Variants in ADGRL2 observed in about 807,000 individuals in gnomAD.
ADGRL2 encodes calcium-independent alpha-latrotoxin receptor 2.
In ADGRL2, 44 loss-of-function variants were observed where a neutral mutation model predicts 157.4. That is an observed-to-expected ratio of 0.28 (90% CI 0.22 to 0.36). The LOEUF (loss-of-function observed/expected upper bound fraction) is 0.36. ADGRL2 is among the 10% of genes least tolerant of loss of function. The pLI is 1.00. For missense variants in ADGRL2, 1,510 were observed against 1,768.9 expected (o/e 0.85, Z 2.63); for synonymous variants, 585 against 624.7 (o/e 0.94, Z 0.95).
chr1:81,914,567 C>A (rs865834790), intron 3 of ADGRL2, among the ~76,000 whole-genome samples: 1 of 152,138 alleles, frequency 6.6e-6, no homozygotes. Context: ...GTGCTTTTAT[C>A]TACTTGACAT....
intron 1 of ADGRL2, among the ~76,000 whole-genome samples, chr1:81,709,800 C>G (rs1041118801): frequency 7.2e-5 from 11 of 152,004 alleles, no homozygotes; most frequent in African/African-American, 2.7e-4. Flanking sequence ...AATGGTCAAC[C>G]AAGCTTTAAA....
Position 81,891,959 on chromosome 1 carries a change from A to AGTGTGTGTGT in ADGRL2, c.74-15043_74-15034dup, listed in dbSNP as rs3221626. ...CAGAACATAATAAGTGTGGCTAATA[A>AGTGTGTGTGT]GTGTGTGTGTGTGTGTGTGTGTGTA... On this transcript the variant is annotated intron_variant, in intron 2 of 23. Transcript: ENST00000686636. 9.4e-5 allele frequency among the ~76,000 whole-genome samples: 14 copies of AGTGTGTGTGT among 149,476 alleles called. No homozygotes were observed. In the South Asian group the frequency reaches 2.6e-3, roughly 27 times the overall value.
intron 1 of ADGRL2, among the ~76,000 whole-genome samples, chr1:81,361,570 A>G (rs1447899853): frequency 6.6e-6 from 1 of 151,910 alleles, no homozygotes. Context: ...CACTCAACAA[A>G]TATTTGTTGA....
At chr1:81,391,950 T>C (rs2076567415) in intron 1 of ADGRL2, among the ~76,000 whole-genome samples, 1 of 152,194 alleles carries the variant, frequency 6.6e-6, no homozygotes, top group Non-Finnish European at 1.5e-5. Context: ...ATGTGTATCA[T>C]CATATTTAAT....
intron 1 of ADGRL2, among the ~76,000 whole-genome samples, chr1:81,715,295 C>CT (rs1032821395): frequency 6.6e-6 from 1 of 151,092 alleles, no homozygotes; most frequent in Non-Finnish European, 1.5e-5. Flanking sequence ...TTCTTTTTTC[C>CT]TTTTTTTAAT....
chr1:81,502,692 T>C (rs2078880189), intron 2 of ADGRL2: 1 of 1,613,304 alleles, frequency 6.2e-7, no homozygotes, highest in Non-Finnish European at 8.5e-7. Context: ...TGTATGCCTA[T>C]GAGTGTGAGA....
intron 1 of ADGRL2, among the ~76,000 whole-genome samples, chr1:81,747,100 T>G (rs1476542057): frequency 6.8e-6 from 1 of 146,974 alleles, no homozygotes; most frequent in East Asian, 2.0e-4. Flanking sequence ...ACGTAATATA[T>G]ACATATATGT....
At chr1:81,599,514 T>A (rs1194704432) in intron 3 of ADGRL2, among the ~76,000 whole-genome samples, 1 of 151,676 alleles carries the variant, frequency 6.6e-6, no homozygotes, top group Non-Finnish European at 1.5e-5. Flanking sequence ...GTAGATGTTG[T>A]CTGAGAAAGA....
At chr1:81,846,221 A>G (rs965387566) in intron 2 of ADGRL2, among the ~76,000 whole-genome samples, 2 of 151,814 alleles carry the variant, frequency 1.3e-5, no homozygotes, top group South Asian at 4.1e-4. Flanking sequence ...GAAAAAGAAT[A>G]GAAGTAAACA....
At chr1:81,841,659 G>T (rs975753481) in intron 2 of ADGRL2, among the ~76,000 whole-genome samples, 2 of 151,872 alleles carry the variant, frequency 1.3e-5, no homozygotes, top group African/African-American at 2.4e-5. Context: ...ACACATATTT[G>T]TGTATATATG....
At chr1:81,555,406 T>C (rs2148411818) in intron 2 of ADGRL2, among the ~76,000 whole-genome samples, 1 of 151,866 alleles carries the variant, frequency 6.6e-6, no homozygotes, top group South Asian at 2.1e-4. Flanking sequence ...GTAGCTGGGA[T>C]TACAGGCACC....
chr1:81,454,747 C>A (rs1401714805), intron 2 of ADGRL2, among the ~76,000 whole-genome samples: 1 of 152,146 alleles, frequency 6.6e-6, no homozygotes, highest in African/African-American at 2.4e-5. Flanking sequence ...TTTCATCATC[C>A]GGGCCTCCAT....
intron 2 of ADGRL2, among the ~76,000 whole-genome samples, chr1:81,458,244 C>T (rs1451364980): frequency 6.6e-6 from 1 of 152,110 alleles, no homozygotes; most frequent in African/African-American, 2.4e-5. Context: ...AGAATACTTA[C>T]CATGAGATCT....
chr1:81,351,393 C>G (rs546394807), intron 1 of ADGRL2, among the ~76,000 whole-genome samples: 47 of 152,190 alleles, frequency 3.1e-4, no homozygotes, highest in Middle Eastern at 3.4e-3. Flanking sequence ...GAGAATTACA[C>G]TTACTTCCCA....
intron 2 of ADGRL2, among the ~76,000 whole-genome samples, chr1:81,898,374 G>T (rs2094431146): frequency 6.6e-6 from 1 of 152,032 alleles, no homozygotes; most frequent in Admixed American, 6.6e-5. Flanking sequence ...TGAATTATTT[G>T]CATAAGAACA....
intron 6 of ADGRL2, among the ~76,000 whole-genome samples, chr1:81,947,353 T>C (rs2149017511): frequency 6.6e-6 from 1 of 152,338 alleles, no homozygotes; most frequent in African/African-American, 2.4e-5. Flanking sequence ...GTCAGTTAAA[T>C]GTTCCCAGAT....
chr1:81,906,407 G>C (rs1223952656), intron 2 of ADGRL2, among the ~76,000 whole-genome samples: 2 of 152,150 alleles, frequency 1.3e-5, no homozygotes, highest in Admixed American at 1.3e-4. Flanking sequence ...AGTTGGATGG[G>C]AGCAGTGCTA....
At chr1:81,727,295 A>T (rs1420260150) in intron 1 of ADGRL2, among the ~76,000 whole-genome samples, 1 of 152,224 alleles carries the variant, frequency 6.6e-6, no homozygotes, top group African/African-American at 2.4e-5. Context: ...AATTAGTGGA[A>T]AATAAAAATT....
At chr1:81,827,845 G>A (rs1472442318) in intron 1 of ADGRL2, among the ~76,000 whole-genome samples, 2 of 152,156 alleles carry the variant, frequency 1.3e-5, no homozygotes, top group African/African-American at 2.4e-5. Context: ...GATTACAGGT[G>A]TGAGCCACTG....
Sources: gnomAD v4.1 joint callset for allele counts (sites outside exome capture counted in the v4.1 genomes callset) on GRCh38, gnomAD v4.1.1 for gene constraint, MANE v1.5 for transcripts, NCBI Gene and HGNC (gene_info 2026-07-23, HGNC 2026-07-21) for gene names.